The following RERE variants were observed in gnomAD, a reference collection of about 807,000 sequenced individuals.
RERE encodes the protein arginine-glutamic acid dipeptide repeats protein.
A neutral mutation model predicts 146.1 loss-of-function variants in RERE; 40 were observed. The observed-to-expected ratio is 0.27, with a 90% CI of 0.21 to 0.36. The LOEUF (loss-of-function observed/expected upper bound fraction) is 0.36. RERE is among the 10% of genes least tolerant of loss of function. The pLI, the probability that RERE is intolerant of heterozygous loss-of-function variation, is 1.00. For missense variants in RERE, 1,933 were observed against 2,138.7 expected (o/e 0.90, Z 1.90); for synonymous variants, 1,003 against 866.0 (o/e 1.16, Z -2.78).
At chr1:8,768,186 A>C (rs1023351006) in intron 1 of RERE, among the ~76,000 whole-genome samples, 39 of 152,258 alleles carry the variant, frequency 2.6e-4, no homozygotes, top group Admixed American at 2.3e-3. Context: ...ATAATGTAAA[A>C]AGAACGTGTT....
At chr1:8,460,376 A>G (rs368519791) in intron 11 of RERE, among the ~76,000 whole-genome samples, 1 of 152,240 alleles carries the variant, frequency 6.6e-6, no homozygotes, top group African/African-American at 2.4e-5. Context: ...GCACGGGTTC[A>G]CTGGATTACA....
At chr1:8,653,550 C>T (rs1570568573) in intron 2 of RERE, among the ~76,000 whole-genome samples, 1 of 152,014 alleles carries the variant, frequency 6.6e-6, no homozygotes, top group South Asian at 2.1e-4. Context: ...AAAATATTAG[C>T]TGGGCGCAGT....
At chr1:8,789,794 G>C (rs148053060) in intron 1 of RERE, among the ~76,000 whole-genome samples, 2 of 152,086 alleles carry the variant, frequency 1.3e-5, no homozygotes, top group Non-Finnish European at 1.5e-5. Context: ...TGCCTGGACT[G>C]TCCTAACCTG....
intron 3 of RERE, 103 bp from the exon 4 acceptor site, chr1:8,614,789 G>C: frequency 7.7e-7 from 1 of 1,298,772 alleles, no homozygotes; most frequent in Non-Finnish European, 1.1e-6. Context: ...AAACTCTTTA[G>C]CAGATGACCT....
Position 8,360,236 on chromosome 1 carries a change from C to G in RERE, c.3271G>C (p.Val1091Leu). 3 of 1,583,274 alleles carry G rather than the reference C, an allele frequency of 1.9e-6. No homozygotes were observed. Among genetic ancestry groups the G allele is most frequent in the Non-Finnish European group, 2.6e-6 (3 of 1,165,962 alleles). Residue 1091 changes from valine to leucine, a missense_variant, in exon 18 of 23, where the codon GTC becomes CTC. Around this residue, in one of 11 missense-constraint regions of RERE, gnomAD observed 1,255 missense variants for 1,153.8 expected, o/e 1.09. Transcript: ENST00000400908. ...AGGSSCPLPT[V>L]QIKEEALDDA... ...TCCAGAGCCTCCTCCTTGATCTGGA[C>G]GGTGGGGAGTGGGCAGGACGACCCC...
At chr1:8,770,460 G>A (rs1640926304) in intron 1 of RERE, among the ~76,000 whole-genome samples, 1 of 152,130 alleles carries the variant, frequency 6.6e-6, no homozygotes, top group Non-Finnish European at 1.5e-5. Flanking sequence ...TAGAGAAAAT[G>A]TCACCTACTG....
intron 9 of RERE, among the ~76,000 whole-genome samples, chr1:8,496,776 T>C (rs929212277): frequency 2.6e-5 from 4 of 152,178 alleles, no homozygotes; most frequent in Non-Finnish European, 5.9e-5. Flanking sequence ...CACAGATAAA[T>C]ATTCTCATGT....
chr1:8,790,491 A>G (rs1300097492), intron 1 of RERE, among the ~76,000 whole-genome samples: 1 of 152,244 alleles, frequency 6.6e-6, no homozygotes, highest in Non-Finnish European at 1.5e-5. Flanking sequence ...CTCCAAGGTA[A>G]TCCCTGTATC....
chr1:8,459,412 T>G lies in RERE; in HGVS notation c.1203+6513A>C, dbSNP rs1416301099. Reference sequence around the variant, plus strand: ...CTGTCATTTAAAACTGGAGGAAGGGTGGTTAGTAGAGAGGAGAATCTACTG... The same window carrying G: ...CTGTCATTTAAAACTGGAGGAAGGGGGGTTAGTAGAGAGGAGAATCTACTG... On this transcript the variant is annotated intron_variant, in intron 11 of 22. Transcript: ENST00000400908. 3.9e-5 allele frequency among the ~76,000 whole-genome samples: 6 copies of G among 152,156 alleles called. 1 individual carries two copies. The South Asian group carries it at 1.0e-3, about 26-fold the overall frequency.
intron 1 of RERE, among the ~76,000 whole-genome samples, chr1:8,695,182 T>G (rs1639301268): frequency 6.6e-6 from 1 of 152,116 alleles, no homozygotes; most frequent in Non-Finnish European, 1.5e-5. Flanking sequence ...AAGGACTGCC[T>G]ATTCAAAAAA....
At chr1:8,603,048 CAGAAGCGAG>C (rs1646653175) in intron 4 of RERE, among the ~76,000 whole-genome samples, 1 of 152,204 alleles carries the variant, frequency 6.6e-6, no homozygotes, top group South Asian at 2.1e-4. Context: ...GCCTCTCAGG[CAGAAGCGAG>C]AGATGACTGG....
chr1:8,445,766 C>CACCCATCA (rs1156324131), intron 11 of RERE, among the ~76,000 whole-genome samples: 1 of 151,906 alleles, frequency 6.6e-6, no homozygotes, highest in Non-Finnish European at 1.5e-5. Flanking sequence ...TGGTTTGCTG[C>CACCCATCA]ACCCATCAAC....
intron 12 of RERE, among the ~76,000 whole-genome samples, chr1:8,419,635 G>A (rs1198263195): frequency 2.0e-5 from 3 of 152,210 alleles, no homozygotes; most frequent in Admixed American, 6.5e-5. Flanking sequence ...ATTTAAGGTA[G>A]ACAGGAAGAA....
intron 1 of RERE, among the ~76,000 whole-genome samples, chr1:8,669,236 C>T (rs953909907): frequency 1.3e-5 from 2 of 151,810 alleles, no homozygotes; most frequent in East Asian, 1.9e-4. Context: ...CCACCACACC[C>T]GGCTAATTTT....
intron 11 of RERE, among the ~76,000 whole-genome samples, chr1:8,460,233 G>A (rs1644509263): frequency 6.6e-6 from 1 of 152,130 alleles, no homozygotes; most frequent in African/African-American, 2.4e-5. Flanking sequence ...TGAAAAGAGT[G>A]AACAATGAAA....
Position 8,423,626 on chromosome 1 carries a change from G to C in RERE, c.1204-819C>G, listed in dbSNP as rs1643949854. ...AGCCACAGGTAAGCGCCCGGGGTCC[G>C]GGGCGGCAAGAGGCCGTCGCCTGTC... On this transcript the variant is annotated intron_variant, in intron 11 of 22. Transcript: ENST00000400908. This position sits in a 1 kb window ranked among gnomAD's most constrained non-coding sequence, Gnocchi z 5.4. The C allele has an allele frequency of 7.1e-6, 7 of 985,044 alleles. No individual in the cohort carries two copies. The highest frequency in any genetic ancestry group is 5.2e-4 in the Middle Eastern group (1 of 1,910). 61.0% of individuals were successfully genotyped at this position (985,044 alleles called of 1,614,324 possible).
At chr1:8,513,528 C>A (rs368499580) in intron 7 of RERE, among the ~76,000 whole-genome samples, 2 of 152,288 alleles carry the variant, frequency 1.3e-5, no homozygotes, top group African/African-American at 4.8e-5. Context: ...AACAAGTTCC[C>A]GGCACTCTGG....
intron 15 of RERE, chr1:8,363,673 T>C: frequency 4.7e-6 from 1 of 214,876 alleles, no homozygotes; most frequent in Non-Finnish European, 9.3e-6. Context: ...CAAAACGGGA[T>C]CAAACATTTA....
At chr1:8,616,574 A>AG (rs1408388551) in intron 3 of RERE, among the ~76,000 whole-genome samples, 7 of 152,156 alleles carry the variant, frequency 4.6e-5, no homozygotes, top group African/African-American at 1.7e-4. Flanking sequence ...GAATACCTAG[A>AG]GTTTTCTGCA....
Sources: gnomAD v4.1 joint callset for allele counts (sites outside exome capture counted in the v4.1 genomes callset) on GRCh38, gnomAD v4.1.1 for gene constraint, gnomAD v4.1.1 regional missense constraint, Gnocchi (gnomAD v3.1) non-coding constraint, MANE v1.5 for transcripts, NCBI Gene and HGNC (gene_info 2026-07-23, HGNC 2026-07-21) for gene names.